The following SCRT1 variants were observed in gnomAD, a reference collection of about 807,000 sequenced individuals.
The protein encoded by SCRT1 is scratch family transcriptional repressor 1.
SCRT1 carries 1 observed loss-of-function variant against 3.4 expected under a neutral mutation model. The ratio of observed to expected loss-of-function variants is 0.29; its 90% CI spans 0.10 to 1.39. The LOEUF is 1.39. Ranked by LOEUF, SCRT1 falls within the 40% of genes most tolerant of loss-of-function variation. The pLI, the probability that SCRT1 is intolerant of heterozygous loss-of-function variation, is 0.42. For missense variants in SCRT1, 380 were observed against 526.3 expected (o/e 0.72, Z 2.72); for synonymous variants, 238 against 247.0 (o/e 0.96, Z 0.34).
rs782171622 is a variant in SCRT1 at position 144,333,658 on chromosome 8, C to T, written c.574G>A (p.Ala192Thr). ...TATGTTTTGCCGCACTCGCCGCACG[C>T]GTGCCGGCCGCCAGCACCTGCGGCC... ...PGAAGAGGRH[A>T]CGECGKTYAT... is the part of the protein sequence containing the mutation. Residue 192 changes from alanine to threonine, a missense_variant, in exon 2 of 2, where the codon GCG (alanine) becomes ACG (threonine). Physicochemically the swap from Ala to Thr is moderately conservative, Grantham distance 58. Transcript: ENST00000569446. 17 of 1,549,462 alleles carry T rather than the reference C, an allele frequency of 1.1e-5. No homozygotes were observed. Among genetic ancestry groups the T allele is most frequent in the Non-Finnish European group, 1.5e-5 (17 of 1,155,880 alleles).
chr8:144,331,937 A>G lies in SCRT1; in HGVS notation c.*1248T>C, dbSNP rs1817768991. 1 of 151,904 alleles carries G rather than the reference A, an allele frequency of 6.6e-6. No individual in the cohort carries two copies. The highest frequency in any genetic ancestry group is 2.4e-5 in the African/African-American group (1 of 41,286). The allele number at this position is 151,904 out of a possible 1,614,324, so 9.4% of individuals were successfully genotyped here. ...AGGAGGGGTGGGGCTGCATGCAGTGACGTCACAAAGGCGGCGGCCAATGGG... is the reference window on the plus strand; with the variant it reads ...AGGAGGGGTGGGGCTGCATGCAGTGGCGTCACAAAGGCGGCGGCCAATGGG... On this transcript the variant is annotated 3_prime_UTR_variant, in exon 2 of 2. Coordinates refer to ENST00000569446, the MANE Select transcript of SCRT1 (RefSeq NM_031309.6).
chr8:144,335,977 T>A lies in SCRT1; in HGVS notation c.115+78A>T. ...CAGTCTGTTTCCCCGGGCCCTGCCC[T>A]CCGCCCCCACACTCTGGCCCTCCAC... On this transcript the variant is annotated intron_variant, in intron 1 of 1. Transcript: ENST00000569446. This position sits in a 1 kb window ranked among gnomAD's most constrained non-coding sequence, Gnocchi z 7.7. 4.2e-6 allele frequency: 4 copies of A among 955,608 alleles called. No individual in the cohort carries two copies. The highest frequency in any genetic ancestry group is 6.0e-6 in the Non-Finnish European group (4 of 662,092). The allele number at this position is 955,608 out of a possible 1,614,324, so 59.2% of individuals were successfully genotyped here.
At position 144,332,459 on chromosome 8, in the gene SCRT1, A is replaced by G. The variant is rs1354624199; in HGVS notation, c.*726T>C. ...GGGTCTGAGGAGGTCGGATAAGTCCATGCGATTCGATATGTGTCATTATTA... is the reference window on the plus strand; with the variant it reads ...GGGTCTGAGGAGGTCGGATAAGTCCGTGCGATTCGATATGTGTCATTATTA... On this transcript the variant is annotated 3_prime_UTR_variant, in exon 2 of 2. Transcript: ENST00000569446. 1 of 152,114 alleles carries G rather than the reference A, an allele frequency of 6.6e-6. No homozygotes were observed. Among genetic ancestry groups the G allele is most frequent in the Admixed American group, 6.6e-5 (1 of 15,244 alleles). 9.4% of individuals were successfully genotyped at this position (152,114 alleles called of 1,614,324 possible).
At position 144,331,900 on chromosome 8, in the gene SCRT1, G is replaced by A. The variant is rs1304752081; in HGVS notation, c.*1285C>T. The stretch of plus-strand genomic sequence containing the variant: ...GAGGGAGGGGGAGCGGGCAGCCCCG[G>A]GTAGGATCGGGAGGAGGGGTGGGGC... On this transcript the variant is annotated 3_prime_UTR_variant, in exon 2 of 2. Transcript: ENST00000569446. 6.6e-6 allele frequency: 1 copy of A among 152,502 alleles called. No homozygotes were observed. Among genetic ancestry groups the A allele is most frequent in the Admixed American group, 6.5e-5 (1 of 15,290 alleles). 9.4% of individuals were successfully genotyped at this position (152,502 alleles called of 1,614,324 possible).
rs1312551250 is a variant in SCRT1, at chr8:144,335,331, T to A, written c.115+724A>T. 1.3e-5 allele frequency among the ~76,000 whole-genome samples: 2 copies of A among 152,138 alleles called. No homozygotes were observed. Among genetic ancestry groups the A allele is most frequent in the African/African-American group, 4.8e-5 (2 of 41,424 alleles). The stretch of plus-strand genomic sequence containing the variant: ...GGTCACATGGCCACACACAGTCACA[T>A]GGACCCACACAGGCTCACACTCCTG... On this transcript the variant is annotated intron_variant, in intron 1 of 1. Transcript: ENST00000569446. This position sits in a 1 kb window ranked among gnomAD's most constrained non-coding sequence, Gnocchi z 7.7.
Position 144,336,216 on chromosome 8 carries a change from G to C in SCRT1, c.-47C>G, listed in dbSNP as rs1554850274. ...CTGTGGGCCTGCGGAGCCGGGGCTT[G>C]GGGGGGCTGCGGCGGCAGGGCCCCG... On this transcript the variant is annotated 5_prime_UTR_variant, in exon 1 of 2. Coordinates refer to ENST00000569446, the MANE Select transcript of SCRT1 (RefSeq NM_031309.6). The surrounding 1 kb of genome is among the most constrained non-coding windows in gnomAD (Gnocchi z 6.8). 4 of 1,394,722 alleles carry C rather than the reference G, an allele frequency of 2.9e-6. No homozygotes were observed. The African/African-American group carries it at 5.9e-5, about 20-fold the overall frequency. The allele number at this position is 1,394,722 out of a possible 1,614,324, so 86.4% of individuals were successfully genotyped here.
Position 144,331,969 on chromosome 8 carries a change from C to T in SCRT1, c.*1216G>A, listed in dbSNP as rs1158070094. Reference sequence around the variant, plus strand: ...AAAGGCGGCGGCCAATGGGGCGGGCCCTTGGGGCGGGGTCGCCGCCGAGGC... The same window carrying T: ...AAAGGCGGCGGCCAATGGGGCGGGCTCTTGGGGCGGGGTCGCCGCCGAGGC... On this transcript the variant is annotated 3_prime_UTR_variant, in exon 2 of 2. Transcript: ENST00000569446. The T allele has an allele frequency of 1.3e-5, 2 of 151,932 alleles. No homozygotes were observed. The highest frequency in any genetic ancestry group is 2.9e-5 in the Non-Finnish European group (2 of 68,008). The allele number at this position is 151,932 out of a possible 1,614,324, so 9.4% of individuals were successfully genotyped here. A position where few individuals can be genotyped will look rare whatever the true frequency, so the allele number is the denominator to read the frequency against.
rs1333580940 is a variant in SCRT1, at chr8:144,335,725, G to A, written c.115+330C>T. ...TCTTGAGTGTAGGTCTGTGTGTGCC[G>A]GCATGGCTGGGTCCCGTCATGGCAG... On this transcript the variant is annotated intron_variant, in intron 1 of 1. Coordinates refer to ENST00000569446, the MANE Select transcript of SCRT1 (RefSeq NM_031309.6). This position sits in a 1 kb window ranked among gnomAD's most constrained non-coding sequence, Gnocchi z 7.7. Among the ~76,000 whole-genome samples the A allele has an allele frequency of 6.6e-6, 1 of 151,198 alleles. No homozygotes were observed. Among genetic ancestry groups the A allele is most frequent in the Admixed American group, 6.6e-5 (1 of 15,202 alleles).
In SCRT1 at chr8:144,330,925, C is replaced by A. The variant is rs1376097626; in HGVS notation, c.*2260G>T. 18 of 151,960 alleles carry A rather than the reference C, an allele frequency of 1.2e-4. No individual in the cohort carries two copies. The highest frequency in any genetic ancestry group is 4.4e-4 in the African/African-American group (18 of 41,180). 9.4% of individuals were successfully genotyped at this position (151,960 alleles called of 1,614,324 possible). On this transcript the variant is annotated 3_prime_UTR_variant, in exon 2 of 2. Transcript: ENST00000569446. ...TTATTGTGCTGCTTAGTTATGGGGG[C>A]GGGAGGGGGCCCATGGCTTTCCACG...
At position 144,333,205 on chromosome 8, in the gene SCRT1, G is replaced by C. The variant is rs1817820982; in HGVS notation, c.1027C>G (p.Leu343Val). 3.8e-6 allele frequency: 6 copies of C among 1,577,208 alleles called. No individual in the cohort carries two copies. Among genetic ancestry groups the C allele is most frequent in the Non-Finnish European group, 5.2e-6 (6 of 1,163,922 alleles). ...CCGCCCTAGGCCTGCACAGGGCTGA[G>C]CTGTGGCGGCGCAGGAGCCGCGGGG... The part of the protein sequence containing the change: ...GGPAAPAPPQ[L>V]SPVQA The change falls in exon 2 of 2, where the codon CTC becomes GTC. Residue 343 changes from leucine (L) to valine (V), a missense_variant. Coordinates refer to ENST00000569446, the MANE Select transcript of SCRT1 (RefSeq NM_031309.6).
chr8:144,334,703 C>T (rs1270446823), intron 1 of SCRT1, among the ~76,000 whole-genome samples: 1 of 152,052 alleles, frequency 6.6e-6, no homozygotes, highest in Non-Finnish European at 1.5e-5. Context: ...GCCCTGAAGA[C>T]GTCTCCCTCC....
At position 144,332,398 on chromosome 8, in the gene SCRT1, G is replaced by GGC. The variant is rs1817785536; in HGVS notation, c.*786_*787insGC. ...TCCAACACGAATGCCTGGGGTACGGGGGTGGGGGGTGGGGGCCCGGGGCAG... is the reference window on the plus strand; with the variant it reads ...TCCAACACGAATGCCTGGGGTACGGGGCGGTGGGGGGTGGGGGCCCGGGGCAG... On this transcript the variant is annotated 3_prime_UTR_variant, in exon 2 of 2. Transcript: ENST00000569446. 2 of 150,624 alleles carry GGC rather than the reference G, an allele frequency of 1.3e-5. No homozygotes were observed. The highest frequency in any genetic ancestry group is 1.3e-4 in the Admixed American group (2 of 15,176). The allele number at this position is 150,624 out of a possible 1,614,324, so 9.3% of individuals were successfully genotyped here.
Position 144,333,464 on chromosome 8 carries a change from G to A in SCRT1, c.768C>T (p.Ala256=), listed in dbSNP as rs782411739. The A allele has an allele frequency of 2.4e-5, 39 of 1,602,832 alleles. No individual in the cohort carries two copies. Among genetic ancestry groups the A allele is most frequent in the South Asian group, 3.3e-5 (3 of 90,168 alleles). The change falls in exon 2 of 2, where the codon GCC becomes GCT. Residue 256 remains alanine (A), a synonymous_variant. Transcript: ENST00000569446. ...LRHKCGVCGK[A]FSRPWLLQGH... The stretch of plus-strand genomic sequence containing the variant: ...CCTGCAGCAGCCAGGGCCGCGAGAA[G>A]GCTTTGCCGCACACGCCGCACTTGT...
intron 1 of SCRT1, 36 bp from the exon 2 acceptor site, chr8:144,334,152 T>C (rs1554850090): frequency 1.2e-5 from 5 of 416,266 alleles, no homozygotes; most frequent in Non-Finnish European, 1.9e-5. Flanking sequence ...GGGAAGGGAA[T>C]GGGGCGGCGG....
rs782160896 is a variant in SCRT1, at chr8:144,333,791, G to A, written c.441C>T (p.Gly147=). ...PSTASAAAPD[G]DAGGGGGAGG... The stretch of plus-strand genomic sequence containing the variant: ...CCGCCCCGCCCCCGCCTCCGGCGTC[G>A]CCGTCGGGGGCCGCCGCCGAGGCTG... The change falls in exon 2 of 2, where the codon GGC becomes GGT. Residue 147 remains glycine, a synonymous_variant. Coordinates refer to ENST00000569446, the MANE Select transcript of SCRT1 (RefSeq NM_031309.6). 31 of 1,210,292 alleles carry A rather than the reference G, an allele frequency of 2.6e-5. No individual in the cohort carries two copies. The African/African-American group carries it at 3.0e-4, about 12-fold the overall frequency. The allele number at this position is 1,210,292 out of a possible 1,614,324, so 75.0% of individuals were successfully genotyped here.
In SCRT1 at chr8:144,333,692, C is replaced by A. The variant is rs782098155; in HGVS notation, c.540G>T (p.Ala180=). The change falls in exon 2 of 2, where the codon GCG becomes GCT. Residue 180 remains alanine, a synonymous_variant. Coordinates refer to ENST00000569446, the MANE Select transcript of SCRT1 (RefSeq NM_031309.6). The part of the protein sequence containing the change: ...TRAGAGTEAR[A]GPGAAGAGGR... Reference sequence around the variant, plus strand: ...CGCCAGCACCTGCGGCCCCTGGCCCCGCGCGCGCCTCGGTGCCTGCCCCCG... The same window carrying A: ...CGCCAGCACCTGCGGCCCCTGGCCCAGCGCGCGCCTCGGTGCCTGCCCCCG... 1.1e-5 allele frequency: 15 copies of A among 1,414,596 alleles called. No individual in the cohort carries two copies. The highest frequency in any genetic ancestry group is 6.2e-5 in the Admixed American group (2 of 32,376). 87.6% of individuals were successfully genotyped at this position (1,414,596 alleles called of 1,614,324 possible).
At position 144,336,272 on chromosome 8, in the gene SCRT1, G is replaced by A; in HGVS notation, c.-103C>T. The stretch of plus-strand genomic sequence containing the variant: ...ATCCGAGGAGCGGCGGAGGCAGCGC[G>A]GGTCCCCACTCTGGCCTTTGGATGC... On this transcript the variant is annotated 5_prime_UTR_variant, in exon 1 of 2. Transcript: ENST00000569446. This position sits in a 1 kb window ranked among gnomAD's most constrained non-coding sequence, Gnocchi z 6.8. 2.4e-6 allele frequency: 2 copies of A among 831,536 alleles called. No individual in the cohort carries two copies. The highest frequency in any genetic ancestry group is 3.7e-6 in the Non-Finnish European group (2 of 540,594). The allele number at this position is 831,536 out of a possible 1,614,324, so 51.5% of individuals were successfully genotyped here.
rs1250065301 is a variant in SCRT1 at position 144,333,974 on chromosome 8, C to A, written c.258G>T (p.Pro86=). The part of the protein sequence containing the change: ...ELGPAAAGSA[P]PPTPRPELAT... ...CCAGCTCCGGGCGCGGGGTGGGCGGCGGCGCAGACCCTGCAGCCGCCGGAC... is the reference window on the plus strand; with the variant it reads ...CCAGCTCCGGGCGCGGGGTGGGCGGAGGCGCAGACCCTGCAGCCGCCGGAC... The change falls in exon 2 of 2, where the codon CCG becomes CCT. Residue 86 remains proline (P), a synonymous_variant. Coordinates refer to ENST00000569446, the MANE Select transcript of SCRT1 (RefSeq NM_031309.6). The A allele has an allele frequency of 1.5e-6, 2 of 1,368,134 alleles. No homozygotes were observed. The highest frequency in any genetic ancestry group is 3.6e-5 in the Admixed American group (1 of 27,586). The allele number at this position is 1,368,134 out of a possible 1,614,324, so 84.7% of individuals were successfully genotyped here. A position where few individuals can be genotyped will look rare whatever the true frequency, so the allele number is the denominator to read the frequency against.
At position 144,332,381 on chromosome 8, in the gene SCRT1, GAA is replaced by G. The variant is rs1564637686; in HGVS notation, c.*802_*803del. ...GCCCCGGGAATCCGTCCTCCAACAC[GAA>G]TGCCTGGGGTACGGGGGTGGGGGGT... On this transcript the variant is annotated 3_prime_UTR_variant, in exon 2 of 2. Transcript: ENST00000569446. 7.9e-6 allele frequency: 1 copy of G among 125,834 alleles called. No individual in the cohort carries two copies. Among genetic ancestry groups the G allele is most frequent in the African/African-American group, 3.0e-5 (1 of 33,080 alleles). The allele number at this position is 125,834 out of a possible 1,614,324, so 7.8% of individuals were successfully genotyped here.
Sources: gnomAD v4.1 joint callset for allele counts (sites outside exome capture counted in the v4.1 genomes callset) on GRCh38, gnomAD v4.1.1 for gene constraint, Gnocchi (gnomAD v3.1) non-coding constraint, MANE v1.5 for transcripts, NCBI Gene and HGNC (gene_info 2026-07-23, HGNC 2026-07-21) for gene names.